The following CEP112 variants were observed in gnomAD, a reference collection of about 807,000 sequenced individuals.
CEP112 encodes centrosomal protein 112.
Under a neutral mutation model 153.0 loss-of-function variants are expected in CEP112, and 127 were observed. The observed-to-expected ratio is 0.83, with a 90% confidence interval of 0.72 to 0.96. The LOEUF is 0.96. Among genes scored for constraint, CEP112 ranks in the 40% least tolerant of loss-of-function variants. CEP112 has a pLI of 0.00. For synonymous variants in CEP112, 358 were observed against 374.4 expected, an observed-to-expected ratio of 0.96 and a Z score of 0.51; for missense variants, 1,089 against 1,101.2, an observed-to-expected ratio of 0.99 and a Z score of 0.16.
At chr17:65,723,617 T>C (rs1157109540) in intron 23 of CEP112, among the ~76,000 whole-genome samples, 2 of 152,136 alleles carry the variant, frequency 1.3e-5, no homozygotes, top group Non-Finnish European at 2.9e-5. Context: ...AAAAAAGTAA[T>C]TGGGAAGAAA....
chr17:66,038,110 A>AAAAAAAAAAAAGAAAAG (rs71293591), intron 12 of CEP112, among the ~76,000 whole-genome samples: 26 of 120,698 alleles, frequency 2.2e-4, no homozygotes, highest in African/African-American at 3.9e-4. Context: ...CAAAAAAAAA[A>AAAAAAAAAAAAGAAAAG]AAAAGAAAAG....
chr17:66,010,272 G>T (rs1413728246), intron 16 of CEP112, among the ~76,000 whole-genome samples: 2 of 152,104 alleles, frequency 1.3e-5, no homozygotes, highest in Non-Finnish European at 2.9e-5. Flanking sequence ...GGTGTTGCTG[G>T]TGTATAAGAA....
rs537758922 is a variant in CEP112, at chr17:66,120,076, A to C, written c.642+9670T>G. Among the ~76,000 whole-genome samples, 13 of 152,314 alleles carry C rather than the reference A, an allele frequency of 8.5e-5. No homozygotes were observed. The South Asian group carries it at 2.7e-3, about 32-fold the overall frequency. On this transcript the variant is annotated intron_variant, in intron 6 of 26. Coordinates refer to ENST00000535342, the MANE Select transcript of CEP112 (RefSeq NM_001199165.4). ...TCCCTAAGATGAAACTGGCCTCACAACACAAATTGGAAAGTGTTCCCTCTT... is the reference window on the plus strand; with the variant it reads ...TCCCTAAGATGAAACTGGCCTCACACCACAAATTGGAAAGTGTTCCCTCTT...
At chr17:65,932,791 CAGG>C (rs2061170783) in intron 18 of CEP112, among the ~76,000 whole-genome samples, 1 of 152,112 alleles carries the variant, frequency 6.6e-6, no homozygotes, top group South Asian at 2.1e-4. Context: ...CTAAATCATT[CAGG>C]AGAACCCGCC....
At chr17:66,037,027 CT>C (rs2065767914) in intron 12 of CEP112, among the ~76,000 whole-genome samples, 2 of 152,072 alleles carry the variant, frequency 1.3e-5, no homozygotes, top group African/African-American at 4.8e-5. Context: ...TAGTGAAATT[CT>C]ACTCATTTCT....
Position 65,870,519 on chromosome 17 carries a change from T to C in CEP112, c.2164-18485A>G, listed in dbSNP as rs897865487. 3.3e-5 allele frequency among the ~76,000 whole-genome samples: 5 copies of C among 152,202 alleles called. No individual in the cohort carries two copies. The East Asian group carries it at 7.7e-4, about 23-fold the overall frequency. On this transcript the variant is annotated intron_variant, in intron 20 of 26. Transcript: ENST00000535342. ...TTAAAGGTAATAGAAGTACTATATA[T>C]TTTTTCTAGACTCAAATAGAATTAT...
chr17:65,992,637 G>T (rs1220834750), intron 17 of CEP112, among the ~76,000 whole-genome samples: 1 of 151,992 alleles, frequency 6.6e-6, no homozygotes, highest in Non-Finnish European at 1.5e-5. Context: ...AAGTTTGCAG[G>T]CATCCTTTTA....
intron 21 of CEP112, among the ~76,000 whole-genome samples, chr17:65,847,387 C>T (rs2057767367): frequency 6.6e-6 from 1 of 152,208 alleles, no homozygotes; most frequent in Non-Finnish European, 1.5e-5. Context: ...CTTTCCAAGG[C>T]ATTCCACTGT....
At chr17:65,724,386 T>C (rs540787097) in intron 23 of CEP112, among the ~76,000 whole-genome samples, 5 of 152,248 alleles carry the variant, frequency 3.3e-5, no homozygotes, top group East Asian at 1.9e-4. Flanking sequence ...TGCGATATTA[T>C]AGATTTCCTG....
intron 17 of CEP112, among the ~76,000 whole-genome samples, chr17:65,987,767 A>G (rs973066979): frequency 1.3e-5 from 2 of 152,184 alleles, no homozygotes; most frequent in African/African-American, 4.8e-5. Flanking sequence ...CCACACTTCC[A>G]TGTATACAAT....
intron 25 of CEP112, among the ~76,000 whole-genome samples, chr17:65,638,788 C>T (rs2044929171): frequency 6.6e-6 from 1 of 152,150 alleles, no homozygotes; most frequent in Non-Finnish European, 1.5e-5. Context: ...TCGCAGCTGG[C>T]AGCACTCTCT....
chr17:66,114,789 C>T (rs2069206429), intron 6 of CEP112, among the ~76,000 whole-genome samples: 1 of 152,012 alleles, frequency 6.6e-6, no homozygotes, highest in Non-Finnish European at 1.5e-5. Context: ...AGAGGCTATC[C>T]AAATTGACAA....
intron 6 of CEP112, among the ~76,000 whole-genome samples, chr17:66,103,540 A>G (rs1014291470): frequency 6.6e-6 from 1 of 152,236 alleles, no homozygotes; most frequent in African/African-American, 2.4e-5. Context: ...AAACCAACAT[A>G]TAAAAGTCAA....
At chr17:65,967,731 A>G (rs1034284289) in intron 17 of CEP112, among the ~76,000 whole-genome samples, 16 of 152,158 alleles carry the variant, frequency 1.1e-4, no homozygotes, top group Non-Finnish European at 1.9e-4. Context: ...AAAGTTTTAA[A>G]CAGTTTAAAG....
At chr17:65,789,349 C>T (rs895637000) in intron 21 of CEP112, among the ~76,000 whole-genome samples, 7 of 148,454 alleles carry the variant, frequency 4.7e-5, no homozygotes, top group African/African-American at 1.8e-4. Context: ...TTCATTTTTG[C>T]TGTCTGATAT....
chr17:65,835,363 A>G (rs1044483004), intron 21 of CEP112, among the ~76,000 whole-genome samples: 4 of 152,032 alleles, frequency 2.6e-5, no homozygotes, highest in Non-Finnish European at 5.9e-5. Context: ...AGAAGTAATC[A>G]ATCAAATTTA....
chr17:65,881,020 T>G (rs1368742075), intron 20 of CEP112, among the ~76,000 whole-genome samples: 1 of 152,102 alleles, frequency 6.6e-6, no homozygotes, highest in Non-Finnish European at 1.5e-5. Flanking sequence ...ATCCAGACCA[T>G]CCTGGCTGAC....
In CEP112 at chr17:66,130,731, A is replaced by G. The variant is rs373998448; in HGVS notation, c.565-908T>C. 1.2e-4 allele frequency among the ~76,000 whole-genome samples: 17 copies of G among 144,900 alleles called. No homozygotes were observed. The East Asian group carries it at 1.4e-3, about 12-fold the overall frequency. On this transcript the variant is annotated intron_variant, in intron 5 of 26. Coordinates refer to ENST00000535342, the MANE Select transcript of CEP112 (RefSeq NM_001199165.4). ...GTGGAGCTTGCAGTGAGCCAAGATC[A>G]CGCCACTGCACTCCAGCCTGGGCGA...
At chr17:65,705,964 C>T (rs933645531) in intron 23 of CEP112, among the ~76,000 whole-genome samples, 2 of 152,060 alleles carry the variant, frequency 1.3e-5, no homozygotes, top group Non-Finnish European at 2.9e-5. Context: ...TGTAAAACGA[C>T]TTGATGTCTG....
Sources: allele counts gnomAD v4.1 joint callset (sites outside exome capture counted in the v4.1 genomes callset), GRCh38; gene constraint gnomAD v4.1.1; transcripts MANE v1.5; gene names NCBI Gene and HGNC (gene_info 2026-07-23, HGNC 2026-07-21).